The following FUT8 variants were observed in gnomAD, a reference collection of about 807,000 sequenced individuals.
The protein encoded by FUT8 is fucosyltransferase 8.
Under a neutral mutation model 71.3 loss-of-function variants are expected in FUT8, and 29 were observed. The observed-to-expected ratio is 0.41, with a 90% confidence interval of 0.30 to 0.55. The LOEUF (loss-of-function observed/expected upper bound fraction) is 0.55. Among genes scored for constraint, FUT8 ranks in the 20% least tolerant of loss-of-function variants. The probability of loss-of-function intolerance (pLI) is 0.34; values close to 1 mark genes in which losing one functional copy is unlikely to be tolerated. For synonymous variants in FUT8, 254 were observed against 239.3 expected (o/e 1.06, Z -0.57); for missense variants, 544 against 702.1 (o/e 0.77, Z 2.55).
chr14:65,698,555 T>C (rs1010170808), intron 7 of FUT8, among the ~76,000 whole-genome samples: 1 of 152,200 alleles, frequency 6.6e-6, no homozygotes, highest in African/African-American at 2.4e-5. Flanking sequence ...CTTAAACTAT[T>C]ATCTAAGAAA....
At chr14:65,632,667 G>A (rs754312494) in intron 6 of FUT8, among the ~76,000 whole-genome samples, 8 of 152,084 alleles carry the variant, frequency 5.3e-5, no homozygotes, top group Non-Finnish European at 8.8e-5. Context: ...TCTGTGGGTT[G>A]TGTGTTTACT....
chr14:65,428,038 A>G (rs1227455557), intron 1 of FUT8, among the ~76,000 whole-genome samples: 2 of 152,216 alleles, frequency 1.3e-5, no homozygotes, highest in Non-Finnish European at 2.9e-5. Context: ...GGAGACTTGG[A>G]TACTAGTAGT....
At chr14:65,556,567 A>C (rs2140024076) in intron 2 of FUT8, among the ~76,000 whole-genome samples, 1 of 152,294 alleles carries the variant, frequency 6.6e-6, no homozygotes, top group South Asian at 2.1e-4. Context: ...TTGTAACCTT[A>C]TCTTGGAAAT....
At chr14:65,585,106 A>C (rs961275145) in intron 3 of FUT8, among the ~76,000 whole-genome samples, 1 of 152,070 alleles carries the variant, frequency 6.6e-6, no homozygotes, top group East Asian at 1.9e-4. Flanking sequence ...GCACGCTTTC[A>C]TGGGTTTGCA....
chr14:65,437,793 G>A (rs2065583931), intron 1 of FUT8, among the ~76,000 whole-genome samples: 2 of 152,184 alleles, frequency 1.3e-5, no homozygotes, highest in Non-Finnish European at 2.9e-5. Flanking sequence ...CTTTATGGAT[G>A]CAAGGAGAGA....
At chr14:65,382,090 A>G in the FUT8 span, among the ~76,000 whole-genome samples, 3 of 152,234 alleles carry the variant, frequency 2.0e-5, no homozygotes, top group African/African-American at 7.2e-5. Flanking sequence ...TCTCCGTGGC[A>G]TGTGATGTGC....
chr14:65,378,862 T>TTTG, the FUT8 span, among the ~76,000 whole-genome samples: 4 of 146,022 alleles, frequency 2.7e-5, no homozygotes, highest in African/African-American at 1.0e-4. Context: ...TTTTTTTTTT[T>TTTG]TGAGATGGAG....
intron 2 of FUT8, among the ~76,000 whole-genome samples, chr14:65,485,787 G>A (rs1198065560): frequency 6.6e-6 from 1 of 152,138 alleles, no homozygotes; most frequent in African/African-American, 2.4e-5. Flanking sequence ...ATCAACTCAA[G>A]TTAGTTTATC....
At position 65,603,593 on chromosome 14, in the gene FUT8, G is replaced by C. The variant is rs569893157; in HGVS notation, c.204-12385G>C. ...ATGGCAATTTTCACAATGACCATAA[G>C]CTCATTTTCTAATTGAGCTTCTTTG... On this transcript the variant is annotated intron_variant, in intron 3 of 10. Transcript: ENST00000673929. This position sits in a 1 kb window ranked among gnomAD's most constrained non-coding sequence, Gnocchi z 4.5. Among the ~76,000 whole-genome samples, 1 of 151,716 alleles carries C rather than the reference G, an allele frequency of 6.6e-6. No homozygotes were observed. The highest frequency in any genetic ancestry group is 6.6e-5 in the Admixed American group (1 of 15,184).
chr14:65,607,070 A>G lies in FUT8; in HGVS notation c.204-8908A>G, dbSNP rs146348713. 3.3e-3 allele frequency among the ~76,000 whole-genome samples: 502 copies of G among 152,066 alleles called. 6 individuals are homozygous for G. In the East Asian group the frequency reaches 0.036, roughly 11 times the overall value. On this transcript the variant is annotated intron_variant, in intron 3 of 10. Transcript: ENST00000673929. The surrounding 1 kb of genome is among the most constrained non-coding windows in gnomAD (Gnocchi z 4.1). ...TAATTTCTGTACATTGATATTGTAT[A>G]TAGTGATGTCCCTGAACTTTATTAG... is the stretch of plus-strand genomic sequence containing the variant.
chr14:65,534,224 G>A (rs1486710630), intron 2 of FUT8, among the ~76,000 whole-genome samples: 5 of 152,084 alleles, frequency 3.3e-5, no homozygotes, highest in Non-Finnish European at 7.3e-5. Flanking sequence ...CCAGACTCAA[G>A]TGATCTTCCC....
Position 65,421,229 on chromosome 14 carries a change from G to A in FUT8, c.-326+8015G>A, listed in dbSNP as rs927489101. Among the ~76,000 whole-genome samples, 3 of 150,434 alleles carry A rather than the reference G, an allele frequency of 2.0e-5. No homozygotes were observed. In the East Asian group the frequency reaches 5.8e-4, roughly 29 times the overall value. On this transcript the variant is annotated intron_variant, in intron 1 of 10. Transcript: ENST00000673929. ...AAAAAAAAAAAAATCATAAGGAAGA[G>A]AGAATATATTTACTCTTCATTAAGT...
intron 3 of FUT8, among the ~76,000 whole-genome samples, chr14:65,591,412 G>A (rs1361180022): frequency 6.6e-6 from 1 of 152,096 alleles, no homozygotes; most frequent in African/African-American, 2.4e-5. Context: ...CAACTCCCTT[G>A]TTCTGACAAG....
At chr14:65,555,529 C>T (rs1885542389) in intron 2 of FUT8, among the ~76,000 whole-genome samples, 1 of 152,106 alleles carries the variant, frequency 6.6e-6, no homozygotes, top group South Asian at 2.1e-4. Flanking sequence ...GTATAATGAC[C>T]TGCAAATTCC....
chr14:65,457,363 A>G (rs1211770160), intron 2 of FUT8, among the ~76,000 whole-genome samples: 1 of 152,194 alleles, frequency 6.6e-6, no homozygotes, highest in Non-Finnish European at 1.5e-5. Flanking sequence ...ATTTATGGTC[A>G]TTTTGAGTAT....
At chr14:65,379,918 C>T in the FUT8 span, among the ~76,000 whole-genome samples, 2 of 152,182 alleles carry the variant, frequency 1.3e-5, no homozygotes, top group African/African-American at 4.8e-5. Flanking sequence ...CAAAAAGGGC[C>T]TTAGCTAGTT....
intron 7 of FUT8, among the ~76,000 whole-genome samples, chr14:65,692,437 C>T (rs1387982101): frequency 1.7e-5 from 2 of 119,674 alleles, no homozygotes; most frequent in African/African-American, 6.5e-5. Context: ...CCGGACGGGG[C>T]GGCTGGCCGG....
intron 6 of FUT8, among the ~76,000 whole-genome samples, chr14:65,653,866 A>G (rs999563960): frequency 1.2e-4 from 18 of 152,226 alleles, no homozygotes; most frequent in Non-Finnish European, 2.2e-4. Context: ...ATTACCATCC[A>G]GAATTTTTCA....
chr14:65,359,266 T>C, the FUT8 span, among the ~76,000 whole-genome samples: 1 of 152,212 alleles, frequency 6.6e-6, no homozygotes, highest in Non-Finnish European at 1.5e-5. Context: ...CATGCTCTGC[T>C]GCCCGTCGAA....
Sources: gnomAD v4.1 joint callset for allele counts (sites outside exome capture counted in the v4.1 genomes callset) on GRCh38, gnomAD v4.1.1 for gene constraint, Gnocchi (gnomAD v3.1) non-coding constraint, MANE v1.5 for transcripts, NCBI Gene and HGNC (gene_info 2026-07-23, HGNC 2026-07-21) for gene names.